The following GLP2R variants were observed in gnomAD, a reference collection of about 807,000 sequenced individuals.
GLP2R encodes the protein glucagon-like peptide 2 receptor.
GLP2R carries 59 observed loss-of-function variants against 68.2 expected under a neutral mutation model. That is an observed-to-expected ratio of 0.87 (90% CI 0.70 to 1.07). The LOEUF is 1.07. Ranked by LOEUF, GLP2R falls within the 50% of genes least tolerant of loss-of-function variation. The pLI is 0.00. For synonymous variants in GLP2R, 270 were observed against 265.4 expected, an observed-to-expected ratio of 1.02 and a Z score of -0.17; for missense variants, 548 against 677.4, an observed-to-expected ratio of 0.81 and a Z score of 2.12.
intron 4 of GLP2R, among the ~76,000 whole-genome samples, chr17:9,850,678 C>T (rs1360098075): frequency 2.7e-5 from 4 of 147,292 alleles, no homozygotes; most frequent in Admixed American, 6.9e-5. Context: ...CTTACCCTAC[C>T]GATGATTTTT....
intron 4 of GLP2R, among the ~76,000 whole-genome samples, chr17:9,853,645 A>G (rs1484200582): frequency 6.6e-6 from 1 of 152,238 alleles, no homozygotes; most frequent in Non-Finnish European, 1.5e-5. Context: ...TTTAAAAGAA[A>G]CAAACTACAA....
chr17:9,857,284 A>G, intron 5 of GLP2R, 139 bp from the exon 6 acceptor site: 1 of 713,156 alleles, frequency 1.4e-6, no homozygotes, highest in Non-Finnish European at 2.3e-6. Flanking sequence ...TTACGGTCAC[A>G]TAATCCAGCA....
At chr17:9,852,048 G>GTTTTTT (rs1005336123) in intron 4 of GLP2R, among the ~76,000 whole-genome samples, 1 of 109,458 alleles carries the variant, frequency 9.1e-6, no homozygotes, top group African/African-American at 4.7e-5. Context: ...TATAGCATTT[G>GTTTTTT]TTTTTTTTTT....
At chr17:9,836,039 CAAAAAAAAAA>C (rs10706067) in intron 2 of GLP2R, among the ~76,000 whole-genome samples, 13 of 87,206 alleles carry the variant, frequency 1.5e-4, no homozygotes, top group African/African-American at 5.6e-4. Flanking sequence ...ACTCCATCTC[CAAAAAAAAAA>C]AAAAAAAAAA....
chr17:9,855,407 C>T (rs760239068), intron 5 of GLP2R, among the ~76,000 whole-genome samples: 4 of 152,208 alleles, frequency 2.6e-5, no homozygotes, highest in Admixed American at 2.6e-4. Context: ...TTGGATTAGA[C>T]ACCTGCTGTG....
intron 3 of GLP2R, among the ~76,000 whole-genome samples, chr17:9,838,243 A>G (rs2066751811): frequency 6.6e-6 from 1 of 152,132 alleles, no homozygotes; most frequent in Non-Finnish European, 1.5e-5. Flanking sequence ...CACTTTGGAG[A>G]CTTTGGGCAA....
chr17:9,829,135 T>C (rs545323796), intron 1 of GLP2R, among the ~76,000 whole-genome samples: 1 of 152,224 alleles, frequency 6.6e-6, no homozygotes, highest in East Asian at 1.9e-4. Flanking sequence ...TCAGGGATAG[T>C]TTAGTTTCTA....
At chr17:9,879,076 T>G (rs1298606333) in intron 10 of GLP2R, among the ~76,000 whole-genome samples, 2 of 151,894 alleles carry the variant, frequency 1.3e-5, no homozygotes, top group Non-Finnish European at 2.9e-5. Flanking sequence ...GGGCAGTTAT[T>G]TCCAAACCTG....
intron 6 of GLP2R, 109 bp downstream of exon 6, chr17:9,857,685 G>T: frequency 1.9e-6 from 2 of 1,055,356 alleles, no homozygotes; most frequent in South Asian, 1.5e-5. Context: ...AGATAAGAGG[G>T]TTTCCAAGAC....
In GLP2R at chr17:9,889,373, A is replaced by G. The variant is rs2067269944; in HGVS notation, c.1330A>G (p.Lys444Glu). The change falls in exon 13 of 13, where the codon AAG becomes GAG. Residue 444 changes from lysine to glutamate, a missense_variant. By Grantham distance (56) the Lys-to-Glu change is moderately conservative (BLOSUM62 1). Transcript: ENST00000262441. ...LQYGFANGEV[K>E]AELRKYWVRF... ...TCTCACTTGTCTCACCCGGCAGGTG[A>G]AGGCTGAGCTGCGGAAATACTGGGT... 1.9e-6 allele frequency: 3 copies of G among 1,609,176 alleles called. No individual in the cohort carries two copies.
intron 1 of GLP2R, among the ~76,000 whole-genome samples, chr17:9,827,110 C>T (rs2066639210): frequency 6.6e-6 from 1 of 152,082 alleles, no homozygotes. Context: ...CTCAAGTGAT[C>T]TACCCGCCTC....
chr17:9,859,399 C>T (rs908195251), intron 6 of GLP2R, among the ~76,000 whole-genome samples: 9 of 152,080 alleles, frequency 5.9e-5, no homozygotes, highest in African/African-American at 2.2e-4. Flanking sequence ...AAGGAGGAGG[C>T]TGGCCTTGAA....
At chr17:9,838,351 C>CA (rs911059411) in intron 3 of GLP2R, among the ~76,000 whole-genome samples, 1 of 152,214 alleles carries the variant, frequency 6.6e-6, no homozygotes, top group African/African-American at 2.4e-5. Context: ...AGAAGGCACT[C>CA]ACAGGGTGCG....
At chr17:9,827,907 G>A (rs1311275730) in intron 1 of GLP2R, among the ~76,000 whole-genome samples, 1 of 145,280 alleles carries the variant, frequency 6.9e-6, no homozygotes, top group South Asian at 2.2e-4. Context: ...GTTGCAGTGA[G>A]CCAAGATCAC....
rs2066798008 is a variant in GLP2R at position 9,842,599 on chromosome 17, C to G, written c.487C>G (p.His163Asp). 1.2e-6 allele frequency: 2 copies of G among 1,613,958 alleles called. No homozygotes were observed. The highest frequency in any genetic ancestry group is 4.5e-5 in the East Asian group (2 of 44,862). The change falls in exon 4 of 13, where the codon CAC becomes GAC. Residue 163 changes from histidine (H) to aspartate (D), a missense_variant. By Grantham distance (81) the His-to-Asp change is moderately conservative. Coordinates refer to ENST00000262441, the MANE Select transcript of GLP2R (RefSeq NM_004246.3). ...WQDDSECSEN[H>D]SFKQNVDRYA... ...GGATGACTCCGAATGCTCCGAGAAC[C>G]ACAGCTTCAAGCAAAACGTGAGTTT...
intron 5 of GLP2R, among the ~76,000 whole-genome samples, chr17:9,856,621 G>A (rs963325723): frequency 2.0e-5 from 3 of 152,086 alleles, no homozygotes; most frequent in African/African-American, 7.2e-5. Flanking sequence ...ACAGATTAAC[G>A]GATTTAATCA....
intron 7 of GLP2R, among the ~76,000 whole-genome samples, 183 bp downstream of exon 7, chr17:9,860,284 G>T (rs2272035): frequency 0.43 from 65,423 of 152,044 alleles, 15,842 homozygotes; most frequent in African/African-American, 0.66. Context: ...TATGCACAGG[G>T]GCCATAGGCC....
rs2066702657 is a variant in GLP2R, at chr17:9,833,827, G to A, written c.210G>A (p.Glu70=). 1.2e-6 allele frequency: 2 copies of A among 1,612,824 alleles called. No homozygotes were observed. Among genetic ancestry groups the A allele is most frequent in the African/African-American group, 1.3e-5 (1 of 74,882 alleles). Residue 70 remains glutamate (E), a synonymous_variant, in exon 2 of 13, where the codon GAG becomes GAA. Coordinates refer to ENST00000262441, the MANE Select transcript of GLP2R (RefSeq NM_004246.3). The part of the protein sequence containing the change: ...SIKQVTGSLL[E]ETTRKWAQYK... ...CTCAGGTTACAGGATCCCTCCTTGA[G>A]GAAACGACTCGGAAGTGGGCTCAGT...
In GLP2R at chr17:9,889,489, G is replaced by C; in HGVS notation, c.1446G>C (p.Ser482=). ...TAGGAAAATGTCCCAAGAAGCTCTC[G>C]GAAGGAGATGGCGCTGAGAAGCTTC... The part of the protein sequence containing the change: ...RFLGKCPKKL[S]EGDGAEKLRK... The change falls in exon 13 of 13, where the codon TCG becomes TCC. Residue 482 remains serine, a synonymous_variant. Transcript: ENST00000262441. 1.2e-6 allele frequency: 2 copies of C among 1,614,174 alleles called. No homozygotes were observed. Among genetic ancestry groups the C allele is most frequent in the Non-Finnish European group, 1.7e-6 (2 of 1,180,002 alleles).
Sources: gnomAD v4.1 joint callset for allele counts (sites outside exome capture counted in the v4.1 genomes callset) on GRCh38, gnomAD v4.1.1 for gene constraint, MANE v1.5 for transcripts, NCBI Gene and HGNC (gene_info 2026-07-23, HGNC 2026-07-21) for gene names.